CEP164: variants seen among roughly 807,000 people sequenced by gnomAD.
CEP164 encodes centrosomal protein of 164 kDa.
Under a neutral mutation model 182.7 loss-of-function variants are expected in CEP164, and 162 were observed. That is an observed-to-expected ratio of 0.89 (90% CI 0.78 to 1.01). The LOEUF (loss-of-function observed/expected upper bound fraction) is 1.01. Among genes scored for constraint, CEP164 ranks in the 50% least tolerant of loss-of-function variants. CEP164 has a pLI of 0.00. For missense variants in CEP164, 1,735 were observed against 1,790.4 expected, an observed-to-expected ratio of 0.97 and a Z score of 0.56; for synonymous variants, 661 against 690.0, an observed-to-expected ratio of 0.96 and a Z score of 0.66.
intron 14 of CEP164, among the ~76,000 whole-genome samples, chr11:117,383,839 C>T (rs964463604): frequency 2.6e-5 from 4 of 152,166 alleles, no homozygotes; most frequent in Non-Finnish European, 5.9e-5. Flanking sequence ...GAGTTTGAGA[C>T]CAGCTGGCCA....
At position 117,396,238 on chromosome 11, in the gene CEP164, A is replaced by G. The variant is rs2045445491; in HGVS notation, c.3216+58A>G. ...CACCAGGATGGTGTGGGGCATTGGG[A>G]GGGGCTGGGCATCAGGGGAGTACTT... is the stretch of plus-strand genomic sequence containing the variant. On this transcript the variant is annotated intron_variant, in intron 25 of 32. Coordinates refer to ENST00000278935, the MANE Select transcript of CEP164 (RefSeq NM_014956.5). The G allele has an allele frequency of 1.2e-5, 18 of 1,555,738 alleles. No homozygotes were observed. The South Asian group carries it at 1.9e-4, about 17-fold the overall frequency.
In CEP164 at chr11:117,394,469, C is replaced by T. The variant is rs368860298; in HGVS notation, c.2736C>T (p.Asp912=). ...VRQEQHKRLE[D]LRRRHREQER... is the part of the protein sequence containing the mutation. ...AGGAGCAACACAAGCGTCTTGAGGACTTGCGGCGCCGGCACAGGGAGCAGG... is the reference window on the plus strand; with the variant it reads ...AGGAGCAACACAAGCGTCTTGAGGATTTGCGGCGCCGGCACAGGGAGCAGG... Residue 912 remains aspartate, a synonymous_variant, in exon 21 of 33, where the codon GAC becomes GAT. Coordinates refer to ENST00000278935, the MANE Select transcript of CEP164 (RefSeq NM_014956.5). This position sits in a 1 kb window ranked among gnomAD's most constrained non-coding sequence, Gnocchi z 4.0. 1.5e-5 allele frequency: 25 copies of T among 1,613,926 alleles called. No homozygotes were observed. Among genetic ancestry groups the T allele is most frequent in the Non-Finnish European group, 2.1e-5 (25 of 1,180,030 alleles).
Position 117,400,872 on chromosome 11 carries a change from T to G in CEP164, c.3501+3559T>G, listed in dbSNP as rs981285248. Among the ~76,000 whole-genome samples the G allele has an allele frequency of 1.3e-5, 2 of 152,320 alleles. 1 individual carries two copies. Among genetic ancestry groups the G allele is most frequent in the South Asian group, 4.1e-4 (2 of 4,830 alleles). ...ACTTTGCTGAAGTTGCTGATCAGCT[T>G]AAGGAGATTTGGGGTTGAGATGATG... On this transcript the variant is annotated intron_variant, in intron 27 of 32. Coordinates refer to ENST00000278935, the MANE Select transcript of CEP164 (RefSeq NM_014956.5).
At chr11:117,372,228 C>T (rs2042278676) in intron 9 of CEP164, among the ~76,000 whole-genome samples, 1 of 151,740 alleles carries the variant, frequency 6.6e-6, no homozygotes, top group East Asian at 1.9e-4. Context: ...GTGCCTCAGC[C>T]TCCTGAGTAG....
intron 13 of CEP164, 167 bp from the exon 14 acceptor site, chr11:117,382,629 T>A (rs889283397): frequency 4.2e-6 from 3 of 717,040 alleles, no homozygotes; most frequent in Non-Finnish European, 7.0e-6. Flanking sequence ...TGCAAATAAT[T>A]CAGGGAGAGG....
chr11:117,377,566 A>G (rs536425226), intron 11 of CEP164, among the ~76,000 whole-genome samples: 36 of 152,280 alleles, frequency 2.4e-4, no homozygotes, highest in African/African-American at 8.2e-4. Flanking sequence ...CAGCCCCTTC[A>G]TGGGACAGAA....
chr11:117,395,097 A>C (rs1184187633), intron 22 of CEP164, 26 bp from the exon 23 acceptor site: 2 of 1,614,146 alleles, frequency 1.2e-6, no homozygotes, highest in South Asian at 2.2e-5. Context: ...GCAGTCAGCC[A>C]GAAAATCCTG....
chr11:117,370,958 G>T, intron 8 of CEP164, 122 bp from the exon 9 acceptor site: 1 of 1,006,168 alleles, frequency 9.9e-7, no homozygotes, highest in Non-Finnish European at 1.5e-6. Context: ...ATAACCATTG[G>T]GGCAGAACTC....
In CEP164 at chr11:117,391,132, A is replaced by G; in HGVS notation, c.2200A>G (p.Lys734Glu). Residue 734 changes from lysine (K) to glutamate (E), a missense_variant, in exon 17 of 33, where the codon AAG (lysine) becomes GAG (glutamate). Coordinates refer to ENST00000278935, the MANE Select transcript of CEP164 (RefSeq NM_014956.5). ...QLKEEIEASE[K>E]SEQAALNAAK... ...CAAGGAAGAGATAGAGGCTTCGGAG[A>G]AGAGCGAGCAGGCTGCCCTGAATGC... 6.2e-7 allele frequency: 1 copy of G among 1,613,902 alleles called. No individual in the cohort carries two copies. The highest frequency in any genetic ancestry group is 8.5e-7 in the Non-Finnish European group (1 of 1,179,970).
intron 1 of CEP164, among the ~76,000 whole-genome samples, chr11:117,332,542 C>G (rs976214497): frequency 2.0e-5 from 3 of 152,174 alleles, no homozygotes; most frequent in African/African-American, 7.2e-5. Flanking sequence ...CACCATTGCA[C>G]TCCAGCCTGG....
At chr11:117,322,581 A>C (rs1311046255) in intron 1 of CEP164, among the ~76,000 whole-genome samples, 2 of 149,168 alleles carry the variant, frequency 1.3e-5, no homozygotes, top group East Asian at 3.9e-4. Flanking sequence ...TTTGAGACAG[A>C]GTTTTACTCT....
chr11:117,364,959 C>T (rs1046808780), intron 8 of CEP164, among the ~76,000 whole-genome samples: 6 of 152,158 alleles, frequency 3.9e-5, no homozygotes, highest in African/African-American at 1.2e-4. Context: ...TGATATAGGT[C>T]TGCTTTGAAA....
At chr11:117,340,879 G>A (rs2038010166) in intron 3 of CEP164, among the ~76,000 whole-genome samples, 1 of 152,140 alleles carries the variant, frequency 6.6e-6, no homozygotes, top group Admixed American at 6.5e-5. Flanking sequence ...TGTCGCCCAG[G>A]CTGGACTGCA....
intron 7 of CEP164, 73 bp from the exon 8 acceptor site, chr11:117,363,356 C>A: frequency 9.0e-7 from 1 of 1,111,446 alleles, no homozygotes; most frequent in Non-Finnish European, 1.4e-6. Flanking sequence ...CCCCACTTTT[C>A]CCTCTGCACA....
At chr11:117,372,065 T>A (rs1400374394) in intron 9 of CEP164, among the ~76,000 whole-genome samples, 2 of 151,328 alleles carry the variant, frequency 1.3e-5, no homozygotes, top group African/African-American at 4.9e-5. Context: ...GGTCTCTAAC[T>A]CCTGAGCTCA....
intron 27 of CEP164, among the ~76,000 whole-genome samples, chr11:117,405,910 T>C (rs2136792433): frequency 6.6e-6 from 1 of 152,354 alleles, no homozygotes; most frequent in East Asian, 1.9e-4. Context: ...CACCTCAGCC[T>C]GGACCTTATT....
intron 4 of CEP164, among the ~76,000 whole-genome samples, chr11:117,346,032 T>C (rs1294622995): frequency 2.6e-5 from 4 of 152,148 alleles, no homozygotes; most frequent in Non-Finnish European, 5.9e-5. Context: ...CCCACCTCTA[T>C]TGAAGTAAAT....
intron 5 of CEP164, chr11:117,359,546 A>G: frequency 1.0e-6 from 1 of 985,450 alleles, no homozygotes; most frequent in Non-Finnish European, 1.2e-6. Flanking sequence ...TCTGGCCCCT[A>G]GGCTGAGGCT....
At chr11:117,346,779 G>T (rs1180375711) in intron 4 of CEP164, among the ~76,000 whole-genome samples, 4 of 152,110 alleles carry the variant, frequency 2.6e-5, no homozygotes, top group Middle Eastern at 3.4e-3. Context: ...TAGGAGGATC[G>T]CTTTAGCCTG....
Sources: allele counts gnomAD v4.1 joint callset (sites outside exome capture counted in the v4.1 genomes callset), GRCh38; gene constraint gnomAD v4.1.1; non-coding constraint Gnocchi (gnomAD v3.1); transcripts MANE v1.5; gene names NCBI Gene and HGNC (gene_info 2026-07-23, HGNC 2026-07-21).